COBLL1: variants seen among roughly 807,000 people sequenced by gnomAD.
COBLL1 encodes cordon-bleu WH2 repeat protein like 1.
Under a neutral mutation model 94.8 loss-of-function variants are expected in COBLL1, and 50 were observed. The observed-to-expected ratio is 0.53, with a 90% CI of 0.42 to 0.67. The LOEUF is 0.67. Among genes scored for constraint, COBLL1 ranks in the 30% least tolerant of loss-of-function variants. The pLI is 0.00. For synonymous variants in COBLL1, 448 were observed against 473.8 expected (o/e 0.95, Z 0.71); for missense variants, 1,362 against 1,348.7 (o/e 1.01, Z -0.15).
At chr2:164,766,536 A>G (rs895452053) in intron 2 of COBLL1, among the ~76,000 whole-genome samples, 1 of 152,170 alleles carries the variant, frequency 6.6e-6, no homozygotes, top group South Asian at 2.1e-4. Flanking sequence ...TGCCATGATT[A>G]TAAGTTTCCT....
In COBLL1 at chr2:164,728,104, T is replaced by TA. The variant is rs1195978356; in HGVS notation, c.525dup (p.Ile176TyrfsTer3). On this transcript the variant is annotated frameshift_variant, in exon 5 of 14. Transcript: ENST00000652658. LOFTEE classifies it high-confidence loss of function. ...GGATCAAACTCACATTTGCTACATA[T>TA]AATAGGGGCAAGCTCTTGAAGCGAT... 1 of 1,613,608 alleles carries TA rather than the reference T, an allele frequency of 6.2e-7. No homozygotes were observed. Among genetic ancestry groups the TA allele is most frequent in the Non-Finnish European group, 8.5e-7 (1 of 1,179,680 alleles).
At chr2:164,757,250 C>G (rs1433198688) in intron 2 of COBLL1, among the ~76,000 whole-genome samples, 2 of 152,104 alleles carry the variant, frequency 1.3e-5, no homozygotes, top group Non-Finnish European at 2.9e-5. Flanking sequence ...ATAAAGGCTT[C>G]TACCTAGTTC....
chr2:164,781,971 CTTTCT>C lies in COBLL1; in HGVS notation c.42-38101_42-38097del, dbSNP rs994131571. Among the ~76,000 whole-genome samples the C allele has an allele frequency of 3.3e-5, 5 of 151,980 alleles. 1 individual carries two copies. Among genetic ancestry groups the C allele is most frequent in the South Asian group, 4.2e-4 (2 of 4,810 alleles). On this transcript the variant is annotated intron_variant, in intron 2 of 13. Transcript: ENST00000652658. ...TTTTTTAAAATGGAATAAAGCTATC[CTTTCT>C]TTTAAGTGTTTTTTCTTTAGCCTCA... is the stretch of plus-strand genomic sequence containing the variant.
At chr2:164,812,139 T>C (rs1684491954) in intron 2 of COBLL1, among the ~76,000 whole-genome samples, 1 of 151,958 alleles carries the variant, frequency 6.6e-6, no homozygotes, top group Admixed American at 6.6e-5. Context: ...TTCATCAACA[T>C]CTAGAAACAC....
chr2:164,837,729 T>C (rs914705644), intron 2 of COBLL1, among the ~76,000 whole-genome samples: 3 of 152,182 alleles, frequency 2.0e-5, no homozygotes, highest in African/African-American at 7.2e-5. Context: ...TGAATATATA[T>C]AAAGTTGCAT....
intron 7 of COBLL1, among the ~76,000 whole-genome samples, chr2:164,707,601 A>T (rs1191522186): frequency 6.6e-6 from 1 of 152,184 alleles, no homozygotes; most frequent in Non-Finnish European, 1.5e-5. Context: ...TTGACCACAG[A>T]GGCAGAGATT....
intron 2 of COBLL1, among the ~76,000 whole-genome samples, chr2:164,818,188 A>G (rs2105352814): frequency 6.8e-6 from 1 of 147,224 alleles, no homozygotes; most frequent in South Asian, 2.1e-4. Context: ...ACACGTATAT[A>G]TACGTATGTA....
intron 3 of COBLL1, among the ~76,000 whole-genome samples, chr2:164,741,145 G>A (rs990846106): frequency 3.3e-5 from 5 of 151,978 alleles, no homozygotes; most frequent in Non-Finnish European, 7.4e-5. Flanking sequence ...GCATGGTGGT[G>A]TTCATCTGTA....
rs1230969890 is a variant in COBLL1 at position 164,685,887 on chromosome 2, C to T, written c.*59G>A. 2.2e-6 allele frequency: 2 copies of T among 906,068 alleles called. No individual in the cohort carries two copies. Among genetic ancestry groups the T allele is most frequent in the East Asian group, 2.6e-5 (1 of 38,442 alleles). 56.1% of individuals were successfully genotyped at this position (906,068 alleles called of 1,614,324 possible). On this transcript the variant is annotated 3_prime_UTR_variant, in exon 14 of 14. Coordinates refer to ENST00000652658, the MANE Select transcript of COBLL1 (RefSeq NM_001365672.2). ...TGAATATACATTTGCCAAAATGTTCCATTAGTATGAAGTTGGTCTGAAGTG... is the reference window on the plus strand; with the variant it reads ...TGAATATACATTTGCCAAAATGTTCTATTAGTATGAAGTTGGTCTGAAGTG...
intron 2 of COBLL1, among the ~76,000 whole-genome samples, chr2:164,773,551 T>C (rs979874672): frequency 5.3e-5 from 8 of 152,162 alleles, no homozygotes; most frequent in African/African-American, 1.9e-4. Flanking sequence ...TACTTCAGCT[T>C]TTTCTACAAA....
intron 2 of COBLL1, among the ~76,000 whole-genome samples, chr2:164,771,501 A>G (rs568420267): frequency 1.8e-4 from 27 of 152,170 alleles, no homozygotes; most frequent in African/African-American, 6.0e-4. Flanking sequence ...TACATTTTGC[A>G]AAACATGAAA....
intron 2 of COBLL1, among the ~76,000 whole-genome samples, chr2:164,830,696 C>G (rs1683034435): frequency 6.6e-6 from 1 of 152,158 alleles, no homozygotes; most frequent in South Asian, 2.1e-4. Context: ...TACATAGAAT[C>G]ACAGACATAC....
chr2:164,751,766 G>C (rs1347811728), intron 2 of COBLL1, among the ~76,000 whole-genome samples: 1 of 152,070 alleles, frequency 6.6e-6, no homozygotes. Context: ...ATGGATAAAA[G>C]ATCTCAATCC....
chr2:164,745,190 A>G (rs1315777946), intron 2 of COBLL1, among the ~76,000 whole-genome samples: 1 of 152,144 alleles, frequency 6.6e-6, no homozygotes, highest in Admixed American at 6.6e-5. Context: ...AGGTCTCACA[A>G]CTCCAACTCC....
intron 2 of COBLL1, chr2:164,772,189 A>T (rs189729755): frequency 6.6e-6 from 1 of 151,926 alleles, no homozygotes. Context: ...GTAATTTGAT[A>T]CTATCTTTTT....
chr2:164,733,810 T>C (rs1191739587), intron 3 of COBLL1, among the ~76,000 whole-genome samples: 2 of 152,202 alleles, frequency 1.3e-5, no homozygotes, highest in Non-Finnish European at 2.9e-5. Context: ...TCTGCACTGA[T>C]GGAAACGTTC....
In COBLL1 at chr2:164,841,494, T is replaced by A. The variant is rs1683617887; in HGVS notation, c.-51+216A>T. ...GCTGCAGCCCCCGCCCCGTGGGGTT[T>A]ACTGGGTAGCCATTTGGCGCCTCTC... On this transcript the variant is annotated intron_variant, in intron 1 of 13. Transcript: ENST00000652658. This position sits in a 1 kb window ranked among gnomAD's most constrained non-coding sequence, Gnocchi z 5.5. 9.0e-7 allele frequency: 1 copy of A among 1,107,638 alleles called. No individual in the cohort carries two copies. Among genetic ancestry groups the A allele is most frequent in the Middle Eastern group, 3.8e-4 (1 of 2,636 alleles). The allele number at this position is 1,107,638 out of a possible 1,614,324, so 68.6% of individuals were successfully genotyped here.
intron 2 of COBLL1, among the ~76,000 whole-genome samples, chr2:164,788,432 G>A (rs1682990515): frequency 6.6e-6 from 1 of 152,056 alleles, no homozygotes; most frequent in African/African-American, 2.4e-5. Flanking sequence ...CTTTCATGGA[G>A]GTTATGAAAA....
chr2:164,798,938 T>C (rs1683616463), intron 2 of COBLL1, among the ~76,000 whole-genome samples: 1 of 139,814 alleles, frequency 7.2e-6, no homozygotes, highest in Non-Finnish European at 1.5e-5. Context: ...GAGAATGGCG[T>C]GAACCCGGGA....
Sources: allele counts gnomAD v4.1 joint callset (sites outside exome capture counted in the v4.1 genomes callset), GRCh38; gene constraint gnomAD v4.1.1; non-coding constraint Gnocchi (gnomAD v3.1); transcripts MANE v1.5; gene names NCBI Gene and HGNC (gene_info 2026-07-23, HGNC 2026-07-21).